TTC34: variants seen among roughly 807,000 people sequenced by gnomAD.
TTC34 encodes the protein tetratricopeptide repeat domain 34.
A neutral mutation model predicts 40.7 loss-of-function variants in TTC34; 44 were observed. The observed-to-expected ratio is 1.08, with a 90% confidence interval of 0.85 to 1.39. The LOEUF (loss-of-function observed/expected upper bound fraction) is 1.39. Ranked by LOEUF, TTC34 falls within the 40% of genes most tolerant of loss-of-function variation. TTC34 has a pLI of 0.00. For missense variants in TTC34, 884 were observed against 838.0 expected, an observed-to-expected ratio of 1.05 and a Z score of -0.68; for synonymous variants, 422 against 398.6, an observed-to-expected ratio of 1.06 and a Z score of -0.70.
At chr1:2,779,553 G>A (rs752420063) in intron 6 of TTC34, among the ~76,000 whole-genome samples, 4 of 152,106 alleles carry the variant, frequency 2.6e-5, no homozygotes, top group Non-Finnish European at 5.9e-5. Context: ...TTGATCTCCT[G>A]ACCTCGTGAT....
chr1:2,677,656 G>GGTGA (rs1639959544), intron 6 of TTC34, among the ~76,000 whole-genome samples: 1 of 151,498 alleles, frequency 6.6e-6, no homozygotes, highest in Non-Finnish European at 1.5e-5. Flanking sequence ...CACACCCCCA[G>GGTGA]GCGAGCATCT....
At chr1:2,691,147 G>T (rs558029743) in intron 6 of TTC34, among the ~76,000 whole-genome samples, 1 of 70,174 alleles carries the variant, frequency 1.4e-5, no homozygotes, top group South Asian at 4.4e-4. Context: ...ACACCGCCAG[G>T]GGAGTATCTG....
intron 6 of TTC34, among the ~76,000 whole-genome samples, chr1:2,683,589 A>G (rs1640181062): frequency 1.5e-5 from 2 of 137,412 alleles, no homozygotes; most frequent in Admixed American, 1.4e-4. Context: ...AACAGCACCC[A>G]CACACTCAGG....
chr1:2,655,594 C>T (rs1216004714), intron 6 of TTC34, among the ~76,000 whole-genome samples: 1 of 140,056 alleles, frequency 7.1e-6, no homozygotes, highest in Admixed American at 7.3e-5. Context: ...CATCTGACAG[C>T]CTGGAACAGC....
At chr1:2,792,968 C>T (rs1306744505) in intron 2 of TTC34, among the ~76,000 whole-genome samples, 2 of 152,184 alleles carry the variant, frequency 1.3e-5, no homozygotes, top group African/African-American at 4.8e-5. Flanking sequence ...CGAATCCATG[C>T]CTTCAAATAG....
chr1:2,660,775 T>G (rs1235798971), intron 6 of TTC34, among the ~76,000 whole-genome samples: 1 of 137,762 alleles, frequency 7.3e-6, no homozygotes, highest in African/African-American at 2.9e-5. Context: ...TCTGACAGAC[T>G]GGAGCAGCAC....
chr1:2,751,409 A>C (rs1328243324), intron 6 of TTC34, among the ~76,000 whole-genome samples: 70 of 105,570 alleles, frequency 6.6e-4, no homozygotes, highest in Middle Eastern at 6.5e-3. Context: ...ACCCACACAC[A>C]CAGGTGGGCA....
rs868076763 is a variant in TTC34 at position 2,777,692 on chromosome 1, G to C, written c.2226+5917C>G. On this transcript the variant is annotated intron_variant, in intron 6 of 8. Transcript: ENST00000401095. ...AGGGTGAAGAGGCAGAGGGCATGGG[G>C]GGGGGGGCGCAGCATCAGCCCATAT... Among the ~76,000 whole-genome samples, 9 of 151,952 alleles carry C rather than the reference G, an allele frequency of 5.9e-5. No homozygotes were observed. The South Asian group carries it at 1.9e-3, about 32-fold the overall frequency.
intron 6 of TTC34, among the ~76,000 whole-genome samples, chr1:2,693,705 AC>A (rs1640731693): frequency 1.4e-5 from 1 of 68,978 alleles, no homozygotes; most frequent in African/African-American, 4.9e-5. Flanking sequence ...GAGCACCCAC[AC>A]CCCCAGGCAA....
chr1:2,750,674 C>A (rs1641288145), intron 6 of TTC34, among the ~76,000 whole-genome samples: 31 of 134,326 alleles, frequency 2.3e-4, no homozygotes, highest in African/African-American at 6.1e-4. Context: ...CAGCCTGGAA[C>A]AGCACCCTGC....
chr1:2,656,037 C>G (rs1211025378), intron 6 of TTC34, among the ~76,000 whole-genome samples: 2 of 152,328 alleles, frequency 1.3e-5, no homozygotes, highest in South Asian at 2.1e-4. Context: ...ATCCGACAGC[C>G]TGGAGCAGCA....
intron 6 of TTC34, among the ~76,000 whole-genome samples, chr1:2,761,342 C>A (rs1450488412): frequency 7.7e-5 from 4 of 51,662 alleles, no homozygotes; most frequent in South Asian, 9.8e-4. Context: ...GAGTATCTGA[C>A]AGCCTGGAGC....
At chr1:2,649,210 C>A (rs1410665729) in intron 6 of TTC34, among the ~76,000 whole-genome samples, 1 of 151,852 alleles carries the variant, frequency 6.6e-6, no homozygotes, top group African/African-American at 2.4e-5. Context: ...TCTCCAACCC[C>A]AGGTGAGCTT....
At chr1:2,644,424 G>C in exon 8 of TTC34, 26 of 1,536,054 alleles carry the variant, frequency 1.7e-5, no homozygotes, top group Non-Finnish European at 2.3e-5. Flanking sequence ...TGCCTCTGAC[G>C]TTGGGGCACG....
chr1:2,750,860 T>C (rs1244441177), intron 6 of TTC34, among the ~76,000 whole-genome samples: 6 of 125,416 alleles, frequency 4.8e-5, no homozygotes, highest in Admixed American at 3.3e-4. Flanking sequence ...CAGGTGAGCA[T>C]CTGACAGCGT....
chr1:2,654,716 T>C (rs527586224), intron 6 of TTC34, among the ~76,000 whole-genome samples: 123 of 148,964 alleles, frequency 8.3e-4, no homozygotes, highest in African/African-American at 2.6e-3. Flanking sequence ...TCGGACAGCC[T>C]GGAGCAGCAC....
In TTC34 at chr1:2,685,118, C is replaced by A. The variant is rs1386578450; in HGVS notation, c.2227-39555G>T. ...GTGACAGCTTGGATCAGCACCCACA[C>A]CCCCAGGCGAGCATCGGACGGCCTG... On this transcript the variant is annotated intron_variant, in intron 6 of 8. Coordinates refer to ENST00000401095, the Ensembl canonical transcript of TTC34. 4.9e-5 allele frequency among the ~76,000 whole-genome samples: 6 copies of A among 121,630 alleles called. No homozygotes were observed. In the South Asian group the frequency reaches 1.3e-3, roughly 26 times the overall value. The allele number at this position is 121,630 out of a possible 152,430, so 79.8% of individuals were successfully genotyped here. A position where few individuals can be genotyped will look rare whatever the true frequency, so the allele number is the denominator to read the frequency against.
intron 6 of TTC34, among the ~76,000 whole-genome samples, chr1:2,760,438 T>C (rs1447768410): frequency 2.2e-5 from 1 of 44,484 alleles, no homozygotes; most frequent in Non-Finnish European, 3.4e-5. Flanking sequence ...TGGAGCAGCA[T>C]CCACACACCC....
In TTC34 at chr1:2,796,427, A is replaced by C. The variant is rs1643710441; in HGVS notation, c.784+3617T>G. Among the ~76,000 whole-genome samples the C allele has an allele frequency of 6.6e-6, 1 of 152,134 alleles. No homozygotes were observed. Among genetic ancestry groups the C allele is most frequent in the Admixed American group, 6.5e-5 (1 of 15,278 alleles). ...TGTGGGGAGTCCCTTGACCGAAGTGACTTGGGTCTAATGGATGCACAATTC... is the reference window on the plus strand; with the variant it reads ...TGTGGGGAGTCCCTTGACCGAAGTGCCTTGGGTCTAATGGATGCACAATTC... On this transcript the variant is annotated intron_variant, in intron 2 of 8. Transcript: ENST00000401095. This position sits in a 1 kb window ranked among gnomAD's most constrained non-coding sequence, Gnocchi z 4.5.
Sources: gnomAD v4.1 joint callset for allele counts (sites outside exome capture counted in the v4.1 genomes callset) on GRCh38, gnomAD v4.1.1 for gene constraint, Gnocchi (gnomAD v3.1) non-coding constraint, MANE v1.5 for transcripts, NCBI Gene and HGNC (gene_info 2026-07-23, HGNC 2026-07-21) for gene names.